The following SLC39A14 variants were observed in gnomAD, a reference collection of about 807,000 sequenced individuals.
The protein encoded by SLC39A14 is metal cation symporter ZIP14.
A neutral mutation model predicts 45.5 loss-of-function variants in SLC39A14; 19 were observed. The ratio of observed to expected loss-of-function variants is 0.42; its 90% CI spans 0.29 to 0.61. The LOEUF (loss-of-function observed/expected upper bound fraction) is 0.61, where lower values mean the gene tolerates loss of function less well. Among genes scored for constraint, SLC39A14 ranks in the 20% least tolerant of loss-of-function variants. The pLI, the probability that SLC39A14 is intolerant of heterozygous loss-of-function variation, is 0.22. For synonymous variants in SLC39A14, 264 were observed against 251.3 expected, an observed-to-expected ratio of 1.05 and a Z score of -0.48; for missense variants, 447 against 616.5, an observed-to-expected ratio of 0.73 and a Z score of 2.91.
intron 1 of SLC39A14, among the ~76,000 whole-genome samples, chr8:22,391,173 C>G (rs1014372334): frequency 2.6e-5 from 4 of 152,150 alleles, no homozygotes; most frequent in African/African-American, 9.7e-5. Flanking sequence ...CCCTGTCTGC[C>G]AAAATAGCCT....
intron 1 of SLC39A14, among the ~76,000 whole-genome samples, chr8:22,399,193 C>T (rs562851109): frequency 4.5e-4 from 68 of 152,306 alleles, no homozygotes; most frequent in Middle Eastern, 3.4e-3. Context: ...TGGAACCTGG[C>T]GTGGGGCTTC....
intron 1 of SLC39A14, among the ~76,000 whole-genome samples, chr8:22,400,463 C>T (rs1050905444): frequency 2.6e-5 from 4 of 152,270 alleles, no homozygotes; most frequent in East Asian, 1.9e-4. Flanking sequence ...CTCCTGCCAT[C>T]GACAGTTCAC....
At chr8:22,383,718 C>T (rs1833636606) in intron 1 of SLC39A14, among the ~76,000 whole-genome samples, 1 of 152,174 alleles carries the variant, frequency 6.6e-6, no homozygotes, top group African/African-American at 2.4e-5. Flanking sequence ...TCCCTGCCTC[C>T]GCCCTTCTCT....
intron 1 of SLC39A14, among the ~76,000 whole-genome samples, chr8:22,388,911 C>A (rs922001168): frequency 1.3e-5 from 2 of 152,112 alleles, no homozygotes; most frequent in Non-Finnish European, 2.9e-5. Flanking sequence ...GAGAATGGGG[C>A]TTTTTTATTA....
At chr8:22,416,336 C>T (rs556002869) in intron 7 of SLC39A14, 56 bp downstream of exon 7, 4 of 1,458,528 alleles carry the variant, frequency 2.7e-6, no homozygotes, top group African/African-American at 2.8e-5. Flanking sequence ...TGTAGGCCCC[C>T]TTCCTGTGGC....
downstream of SLC39A14, among the ~76,000 whole-genome samples, chr8:22,427,451 A>C (rs993395942): frequency 3.9e-5 from 6 of 152,154 alleles, no homozygotes; most frequent in Non-Finnish European, 8.8e-5. Flanking sequence ...TAATTCAATA[A>C]AGGGAATCAT....
intron 1 of SLC39A14, among the ~76,000 whole-genome samples, chr8:22,377,483 C>A (rs1021237846): frequency 1.3e-5 from 2 of 152,166 alleles, no homozygotes; most frequent in Admixed American, 1.3e-4. Flanking sequence ...GTCCTCTCAG[C>A]AGACAAAGCT....
chr8:22,368,486 C>CTTTTATTTTATTTTATTTTATTTTA (rs869157776), intron 1 of SLC39A14, among the ~76,000 whole-genome samples: 7 of 147,528 alleles, frequency 4.7e-5, no homozygotes, highest in African/African-American at 1.8e-4. Context: ...ATCCTTCCCT[C>CTTTTATTTTATTTTATTTTATTTTA]TTTTATTTTA....
intron 4 of SLC39A14, 105 bp from the exon 5 acceptor site, chr8:22,414,675 C>A: frequency 8.1e-7 from 1 of 1,227,058 alleles, no homozygotes; most frequent in Non-Finnish European, 1.1e-6. Context: ...CTCCATTATG[C>A]CTCTCTCCTT....
rs1832693947 is a variant in SLC39A14, at chr8:22,367,381, CG to C, written c.-39del. ...CCTGGGACCTTGCGGTGAGGCTGCGCGGGGCCGAGGCCGCCTCCGAGCGCCA... is the reference window on the plus strand; with the variant it reads ...CCTGGGACCTTGCGGTGAGGCTGCGCGGGCCGAGGCCGCCTCCGAGCGCCA... On this transcript the variant is annotated 5_prime_UTR_variant, in exon 1 of 9. Coordinates refer to ENST00000381237, the MANE Select transcript of SLC39A14 (RefSeq NM_001128431.4). This position sits in a 1 kb window ranked among gnomAD's most constrained non-coding sequence, Gnocchi z 4.2. The C allele has an allele frequency of 6.6e-6, 1 of 152,032 alleles. No homozygotes were observed. Among genetic ancestry groups the C allele is most frequent in the Admixed American group, 6.6e-5 (1 of 15,238 alleles). 9.4% of individuals were successfully genotyped at this position (152,032 alleles called of 1,614,324 possible).
rs574736083 is a variant in SLC39A14, at chr8:22,406,399, G to C, written c.270+1419G>C. Among the ~76,000 whole-genome samples, 17 of 150,870 alleles carry C rather than the reference G, an allele frequency of 1.1e-4. 3 individuals are homozygous for C. The highest frequency in any genetic ancestry group is 2.1e-4 in the South Asian group (1 of 4,770). ...AGGAGGTGGAGGCCTCAAAAGTTGGGGGGGAGGAGCGGGGCCGGGCGCGGT... is the reference window on the plus strand; with the variant it reads ...AGGAGGTGGAGGCCTCAAAAGTTGGCGGGGAGGAGCGGGGCCGGGCGCGGT... On this transcript the variant is annotated intron_variant, in intron 2 of 8. Transcript: ENST00000381237.
chr8:22,432,951 C>A (rs761029045), intron 8 of SLC39A14, among the ~76,000 whole-genome samples: 13 of 151,640 alleles, frequency 8.6e-5, no homozygotes, highest in Non-Finnish European at 1.6e-4. Flanking sequence ...TCGTGCTCGG[C>A]CACCTGGCTA....
At chr8:22,430,802 AG>A (rs1201866582) in intron 8 of SLC39A14, among the ~76,000 whole-genome samples, 3 of 151,188 alleles carry the variant, frequency 2.0e-5, no homozygotes, top group African/African-American at 7.3e-5. Context: ...CCTCCTGTGT[AG>A]TTGGGATTAC....
chr8:22,374,003 C>A (rs924478446), intron 1 of SLC39A14, among the ~76,000 whole-genome samples: 2 of 152,312 alleles, frequency 1.3e-5, no homozygotes, highest in Admixed American at 1.3e-4. Flanking sequence ...AGTGATCCAC[C>A]GGTCTTGGCC....
intron 4 of SLC39A14, among the ~76,000 whole-genome samples, chr8:22,414,092 C>G (rs1316177196): frequency 1.3e-5 from 2 of 152,086 alleles, no homozygotes. Flanking sequence ...TTCACAAGAA[C>G]CCACCATAAA....
At chr8:22,411,681 C>T (rs1006185466) in intron 3 of SLC39A14, among the ~76,000 whole-genome samples, 11 of 152,272 alleles carry the variant, frequency 7.2e-5, no homozygotes, top group Middle Eastern at 3.4e-3. Context: ...GGGTGTGTGA[C>T]GAGGCAGCAC....
intron 1 of SLC39A14, among the ~76,000 whole-genome samples, chr8:22,385,901 G>A (rs1833766192): frequency 6.6e-6 from 1 of 152,050 alleles, no homozygotes; most frequent in Non-Finnish European, 1.5e-5. Flanking sequence ...ACATTGGAGG[G>A]GTTGAAGCAA....
chr8:22,374,074 C>A (rs1458681190), intron 1 of SLC39A14, among the ~76,000 whole-genome samples: 1 of 152,164 alleles, frequency 6.6e-6, no homozygotes, highest in African/African-American at 2.4e-5. Flanking sequence ...GCCCAGCCCT[C>A]AGTTGTTATT....
At chr8:22,404,511 C>T (rs536250238) in intron 1 of SLC39A14, 185 bp from the exon 2 acceptor site, 6 of 403,220 alleles carry the variant, frequency 1.5e-5, no homozygotes, top group African/African-American at 3.0e-5. Context: ...TGAATTTGTC[C>T]TTTTTATTCG....
Sources: allele counts gnomAD v4.1 joint callset (sites outside exome capture counted in the v4.1 genomes callset), GRCh38; gene constraint gnomAD v4.1.1; non-coding constraint Gnocchi (gnomAD v3.1); transcripts MANE v1.5; gene names NCBI Gene and HGNC (gene_info 2026-07-23, HGNC 2026-07-21).